Variants in FAM53C observed in about 807,000 individuals in gnomAD.
FAM53C encodes the protein family with sequence similarity 53 member C, also known as protein FAM53C.
A neutral mutation model predicts 34.7 loss-of-function variants in FAM53C; 10 were observed. The ratio of observed to expected loss-of-function variants is 0.29; its 90% CI spans 0.18 to 0.49. FAM53C has a LOEUF of 0.49. FAM53C is among the 20% of genes least tolerant of loss of function. The pLI is 0.99. For missense variants in FAM53C, 442 were observed against 515.3 expected, an observed-to-expected ratio of 0.86 and a Z score of 1.38; for synonymous variants, 203 against 203.6, an observed-to-expected ratio of 1.00 and a Z score of 0.03.
In FAM53C at chr5:138,344,946, C is replaced by T. The variant is rs750178847; in HGVS notation, c.258C>T (p.Ser86=). Residue 86 remains serine, a synonymous_variant, in exon 4 of 5, where the codon TCC becomes TCT. Coordinates refer to ENST00000239906, the MANE Select transcript of FAM53C (RefSeq NM_016605.3). The part of the protein sequence containing the change: ...LHLRPPSRGN[S]PKEQPFSQVL... The stretch of plus-strand genomic sequence containing the variant: ...TCAGACCACCCAGTCGGGGAAACTC[C>T]CCCAAGGAGCAGCCCTTCTCCCAAG... 42 of 1,614,036 alleles carry T rather than the reference C, an allele frequency of 2.6e-5. No homozygotes were observed. The highest frequency in any genetic ancestry group is 3.5e-5 in the Non-Finnish European group (41 of 1,180,032).
chr5:138,345,493 C>A lies in FAM53C; in HGVS notation c.805C>A (p.Pro269Thr), dbSNP rs1252338992. 1.2e-6 allele frequency: 2 copies of A among 1,614,116 alleles called. No individual in the cohort carries two copies. ...PWRPRGLRNL[P>T]RSRSQPCDLD... ...GCGACCTCGAGGTCTCCGCAACCTTCCCCGAAGCCGCTCACAGCCTTGTGA... is the reference window on the plus strand; with the variant it reads ...GCGACCTCGAGGTCTCCGCAACCTTACCCGAAGCCGCTCACAGCCTTGTGA... The change falls in exon 4 of 5, where the codon CCC becomes ACC. Residue 269 changes from proline to threonine, a missense_variant. Pro to Thr is a conservative substitution (Grantham distance 38). Transcript: ENST00000239906. The surrounding 1 kb of genome is among the most constrained non-coding windows in gnomAD (Gnocchi z 6.3).
chr5:138,345,149 G>C lies in FAM53C; in HGVS notation c.461G>C (p.Gly154Ala). Residue 154 changes from glycine to alanine, a missense_variant, in exon 4 of 5, where the codon GGT (glycine) becomes GCT (alanine). By Grantham distance (60) the Gly-to-Ala change is moderately conservative (BLOSUM62 0). Transcript: ENST00000239906. This position sits in a 1 kb window ranked among gnomAD's most constrained non-coding sequence, Gnocchi z 6.3. ...PIKHRGSGGG[G>A]GPQVPHQSPP... ...AAGCACCGGGGCAGTGGTGGAGGGG[G>C]TGGGCCGCAGGTGCCTCACCAGAGC... 6.2e-7 allele frequency: 1 copy of C among 1,614,150 alleles called. No individual in the cohort carries two copies. Among genetic ancestry groups the C allele is most frequent in the Non-Finnish European group, 8.5e-7 (1 of 1,180,034 alleles).
At chr5:138,341,966 C>T in intron 3 of FAM53C, 100 bp downstream of exon 3, 2 of 1,095,904 alleles carry the variant, frequency 1.8e-6, no homozygotes, top group Non-Finnish European at 2.8e-6. Context: ...GAGCCTACCT[C>T]TAGAACCTTC....
rs1283341431 is a variant in FAM53C at position 138,341,174 on chromosome 5, T to C, written c.-152-10T>C. ...TAATATCACTTGGGGCTGGTCCCTCTAATTGGCAGACTCAGCAGGCATGAC... is the reference window on the plus strand; with the variant it reads ...TAATATCACTTGGGGCTGGTCCCTCCAATTGGCAGACTCAGCAGGCATGAC... On this transcript the variant is annotated splice_polypyrimidine_tract_variant and intron_variant, in intron 1 of 4. Transcript: ENST00000239906. 2 of 754,188 alleles carry C rather than the reference T, an allele frequency of 2.7e-6. No individual in the cohort carries two copies. The highest frequency in any genetic ancestry group is 3.6e-5 in the Admixed American group (2 of 55,756). The allele number at this position is 754,188 out of a possible 1,614,324, so 46.7% of individuals were successfully genotyped here.
chr5:138,339,331 T>C (rs1760949921), intron 1 of FAM53C, among the ~76,000 whole-genome samples: 1 of 152,212 alleles, frequency 6.6e-6, no homozygotes. Flanking sequence ...GCTTCCGTTC[T>C]GTTCCCCCTC....
At chr5:138,338,696 C>T (rs1471468218) in intron 1 of FAM53C, among the ~76,000 whole-genome samples, 1 of 150,216 alleles carries the variant, frequency 6.7e-6, no homozygotes, top group African/African-American at 2.4e-5. Flanking sequence ...TAGCCTTTTG[C>T]TTCTTCATGG....
At chr5:138,342,431 TA>T (rs974737090) in intron 3 of FAM53C, 45 of 147,538 alleles carry the variant, frequency 3.1e-4, no homozygotes, top group Non-Finnish European at 2.6e-4. Context: ...TTTGTACCTT[TA>T]AAAAAAAAAA....
intron 3 of FAM53C, among the ~76,000 whole-genome samples, chr5:138,343,961 CA>C (rs1212363675): frequency 6.6e-6 from 1 of 152,138 alleles, no homozygotes; most frequent in East Asian, 1.9e-4. Context: ...TCGTTTGCCC[CA>C]AATATCCAGC....
intron 1 of FAM53C, among the ~76,000 whole-genome samples, chr5:138,339,372 TGA>T (rs1324442875): frequency 6.6e-6 from 1 of 152,234 alleles, no homozygotes; most frequent in East Asian, 1.9e-4. Context: ...AAACTCAGGC[TGA>T]GAGTATCAGT....
chr5:138,337,885 G>T (rs1375436703), upstream of FAM53C: 2 of 1,129,340 alleles, frequency 1.8e-6, no homozygotes, highest in Admixed American at 5.2e-5. Context: ...GCGTGACGCG[G>T]CCCGAACCGA....
At chr5:138,344,144 A>G (rs926613811) in intron 3 of FAM53C, among the ~76,000 whole-genome samples, 1 of 152,174 alleles carries the variant, frequency 6.6e-6, no homozygotes, top group African/African-American at 2.4e-5. Context: ...TGGATTTAAG[A>G]GAAGGCCTAG....
intron 3 of FAM53C, chr5:138,342,742 A>AT: frequency 6.6e-6 from 1 of 150,514 alleles, no homozygotes; most frequent in Non-Finnish European, 1.5e-5. Context: ...AAAAAAAAAA[A>AT]TTGCTGGGCA....
Position 138,345,096 on chromosome 5 carries a change from C to T in FAM53C, c.408C>T (p.Pro136=), listed in dbSNP as rs372106575. ...CTCGCTGGCAGCCGGTGTGGCGGCCCGCCCCCTCCAAGCTGTGGACTCCCA... is the reference window on the plus strand; with the variant it reads ...CTCGCTGGCAGCCGGTGTGGCGGCCTGCCCCCTCCAAGCTGTGGACTCCCA... ...DLSRWQPVWR[P]APSKLWTPIK... The change falls in exon 4 of 5, where the codon CCC becomes CCT. Residue 136 remains proline, a synonymous_variant. Coordinates refer to ENST00000239906, the MANE Select transcript of FAM53C (RefSeq NM_016605.3). The surrounding 1 kb of genome is among the most constrained non-coding windows in gnomAD (Gnocchi z 6.3). 1.6e-5 allele frequency: 26 copies of T among 1,613,810 alleles called. No homozygotes were observed. The highest frequency in any genetic ancestry group is 1.6e-4 in the African/African-American group (12 of 74,920).
At position 138,346,758 on chromosome 5, in the gene FAM53C, C is replaced by G; in HGVS notation, c.978C>G (p.Ile326Met). Residue 326 changes from isoleucine (I) to methionine (M), a missense_variant, in exon 5 of 5, where the codon ATC becomes ATG. Ile to Met is a conservative substitution (Grantham distance 10). Coordinates refer to ENST00000239906, the MANE Select transcript of FAM53C (RefSeq NM_016605.3). ...AAACAGCCCGGGAAGGCAGCAGCAT[C>G]TCTCCACCATGGTTCATGGCCTGTA... Reference protein sequence around the residue: ...LQETAREGSSISPPWFMACSP... With the variant: ...LQETAREGSSMSPPWFMACSP... 2 of 1,614,196 alleles carry G rather than the reference C, an allele frequency of 1.2e-6. No homozygotes were observed. Among genetic ancestry groups the G allele is most frequent in the East Asian group, 2.2e-5 (1 of 44,892 alleles).
rs781194240 is a variant in FAM53C, at chr5:138,346,848, C to G, written c.1068C>G (p.Ser356Arg). ...TGGSSQVLSE[S>R]EEEEEGAVRW... is the part of the protein sequence containing the mutation. ...GTTCCTCCCAGGTGCTGAGTGAAAG[C>G]GAAGAGGAGGAGGAGGGGGCTGTGC... Residue 356 changes from serine (S) to arginine (R), a missense_variant, in exon 5 of 5, where the codon AGC (serine) becomes AGG (arginine). Coordinates refer to ENST00000239906, the MANE Select transcript of FAM53C (RefSeq NM_016605.3). The G allele has an allele frequency of 1.2e-6, 2 of 1,614,062 alleles. No homozygotes were observed. Among genetic ancestry groups the G allele is most frequent in the East Asian group, 2.2e-5 (1 of 44,880 alleles).
In FAM53C at chr5:138,343,458, C is replaced by G. The variant is rs574524862; in HGVS notation, c.137-1367C>G. 4.6e-5 allele frequency among the ~76,000 whole-genome samples: 7 copies of G among 150,646 alleles called. No individual in the cohort carries two copies. In the East Asian group the frequency reaches 1.4e-3, roughly 29 times the overall value. ...CCAGGAGGCGGAGGTTGCAGTGAGC[C>G]GAGATCGCACCCACTGCACTCCAGC... On this transcript the variant is annotated intron_variant, in intron 3 of 4. Transcript: ENST00000239906.
chr5:138,338,283 G>A lies in FAM53C; in HGVS notation c.-177G>A, dbSNP rs1482392001. 1.2e-6 allele frequency: 1 copy of A among 847,992 alleles called. No individual in the cohort carries two copies. The highest frequency in any genetic ancestry group is 6.3e-5 in the East Asian group (1 of 15,900). 52.5% of individuals were successfully genotyped at this position (847,992 alleles called of 1,614,324 possible). On this transcript the variant is annotated 5_prime_UTR_variant, in exon 1 of 5. Coordinates refer to ENST00000239906, the MANE Select transcript of FAM53C (RefSeq NM_016605.3). ...GAGCGCTCAGAGCTGCTCCGGCCGCGGCCCTGGGAGCTGGAGGAACCGCGG... is the reference window on the plus strand; with the variant it reads ...GAGCGCTCAGAGCTGCTCCGGCCGCAGCCCTGGGAGCTGGAGGAACCGCGG...
At chr5:138,340,518 G>A (rs373741640) in intron 1 of FAM53C, among the ~76,000 whole-genome samples, 5 of 152,306 alleles carry the variant, frequency 3.3e-5, no homozygotes, top group South Asian at 2.1e-4. Flanking sequence ...TGTATCCATG[G>A]ACTTTGCATC....
chr5:138,346,790 C>T lies in FAM53C; in HGVS notation c.1010C>T (p.Pro337Leu), dbSNP rs758612656. ...CCATGGTTCATGGCCTGTAGCCCCC[C>T]ACCCCTCTCTGCTTCCTGCAGCCCC... is the stretch of plus-strand genomic sequence containing the variant. Reference protein sequence around the residue: ...SPPWFMACSPPPLSASCSPTG... With the variant: ...SPPWFMACSPLPLSASCSPTG... The change falls in exon 5 of 5, where the codon CCA (proline) becomes CTA (leucine). Residue 337 changes from proline (P) to leucine (L), a missense_variant. Physicochemically the swap from Pro to Leu is moderately conservative, Grantham distance 98. Coordinates refer to ENST00000239906, the MANE Select transcript of FAM53C (RefSeq NM_016605.3). 1.2e-6 allele frequency: 2 copies of T among 1,614,192 alleles called. No homozygotes were observed. The highest frequency in any genetic ancestry group is 2.2e-5 in the South Asian group (2 of 91,086).
Sources: gnomAD v4.1 joint callset for allele counts (sites outside exome capture counted in the v4.1 genomes callset) on GRCh38, gnomAD v4.1.1 for gene constraint, Gnocchi (gnomAD v3.1) non-coding constraint, MANE v1.5 for transcripts, NCBI Gene and HGNC (gene_info 2026-07-23, HGNC 2026-07-21) for gene names.